GPC5: variants seen among roughly 807,000 people sequenced by gnomAD.
The protein encoded by GPC5 is glypican 5, also known as glypican-5.
A neutral mutation model predicts 53.9 loss-of-function variants in GPC5; 47 were observed. The observed-to-expected ratio is 0.87, with a 90% CI of 0.69 to 1.11. The LOEUF is 1.11. Ranked by LOEUF, GPC5 falls within the 50% of genes most tolerant of loss-of-function variation. The pLI, the probability that GPC5 is intolerant of heterozygous loss-of-function variation, is 0.00. For synonymous variants in GPC5, 286 were observed against 263.3 expected (o/e 1.09, Z -0.84); for missense variants, 748 against 713.1 (o/e 1.05, Z -0.56).
At chr13:91,810,731 A>AT (rs2038297720) in intron 5 of GPC5, among the ~76,000 whole-genome samples, 2 of 151,986 alleles carry the variant, frequency 1.3e-5, no homozygotes, top group South Asian at 4.1e-4. Context: ...GGTTATACAT[A>AT]TTTTAAATCA....
At position 91,743,720 on chromosome 13, in the gene GPC5, C is replaced by G. The variant is rs374888527; in HGVS notation, c.1155-12575C>G. Reference sequence around the variant, plus strand: ...TACACATGTGATAGAGAGACACTTCCTTTCCCTTTTTCATCTTCAGTCCAA... The same window carrying G: ...TACACATGTGATAGAGAGACACTTCGTTTCCCTTTTTCATCTTCAGTCCAA... On this transcript the variant is annotated intron_variant, in intron 4 of 7. Transcript: ENST00000377067. Among the ~76,000 whole-genome samples the G allele has an allele frequency of 2.0e-3, 306 of 152,254 alleles. 2 individuals carry two copies. The Middle Eastern group carries it at 0.031, about 15-fold the overall frequency.
intron 5 of GPC5, among the ~76,000 whole-genome samples, chr13:91,882,693 A>T (rs114496337): frequency 0.15 from 2,529 of 16,466 alleles, 111 homozygotes; most frequent in African/African-American, 0.32. Context: ...TTTTTTTCGT[A>T]ATTTCAGTCT....
chr13:91,989,119 A>G (rs1420510016), intron 6 of GPC5, among the ~76,000 whole-genome samples: 4 of 152,154 alleles, frequency 2.6e-5, no homozygotes, highest in Non-Finnish European at 5.9e-5. Flanking sequence ...GGAACCTGTT[A>G]GATTGGAGCC....
At chr13:92,763,293 T>C (rs1189444375) in intron 7 of GPC5, among the ~76,000 whole-genome samples, 2 of 152,192 alleles carry the variant, frequency 1.3e-5, no homozygotes, top group Admixed American at 6.5e-5. Context: ...TGGATCTTAA[T>C]GTACCAGTTG....
At chr13:92,732,770 T>C (rs979470725) in intron 7 of GPC5, among the ~76,000 whole-genome samples, 2 of 151,724 alleles carry the variant, frequency 1.3e-5, no homozygotes, top group Non-Finnish European at 1.5e-5. Context: ...GATTTGATTT[T>C]CCCACCTGAA....
At chr13:91,447,759 T>C (rs1225683666) in intron 1 of GPC5, among the ~76,000 whole-genome samples, 1 of 152,148 alleles carries the variant, frequency 6.6e-6, no homozygotes, top group Non-Finnish European at 1.5e-5. Context: ...GTGGAACCTG[T>C]GAAACTCACA....
At chr13:91,404,093 C>G (rs879692249) in intron 1 of GPC5, among the ~76,000 whole-genome samples, 1 of 152,182 alleles carries the variant, frequency 6.6e-6, no homozygotes, top group African/African-American at 2.4e-5. Flanking sequence ...TTCCTTGTTT[C>G]CAGCCTGTTA....
chr13:91,946,473 C>CA lies in GPC5; in HGVS notation c.1401+38424dup, dbSNP rs374103154. 9.5e-3 allele frequency among the ~76,000 whole-genome samples: 1,443 copies of CA among 151,610 alleles called. 12 individuals are homozygous for CA. Among genetic ancestry groups the CA allele is most frequent in the Non-Finnish European group, 0.015 (1,046 of 67,882 alleles). The stretch of plus-strand genomic sequence containing the variant: ...CATAATTATATATAAAACGCAATTT[C>CA]AAAAAAAACGATAAGAATAATCTAG... On this transcript the variant is annotated intron_variant, in intron 6 of 7. Coordinates refer to ENST00000377067, the MANE Select transcript of GPC5 (RefSeq NM_004466.6).
At chr13:92,442,520 CATTATTTTT>C in intron 7 of GPC5, among the ~76,000 whole-genome samples, 1 of 109,016 alleles carries the variant, frequency 9.2e-6, no homozygotes, top group East Asian at 6.8e-4. Flanking sequence ...TATTTTTAGA[CATTATTTTT>C]AAATGTATAT....
intron 2 of GPC5, among the ~76,000 whole-genome samples, chr13:91,665,569 C>G (rs1308690416): frequency 6.6e-6 from 1 of 150,764 alleles, no homozygotes; most frequent in Non-Finnish European, 1.5e-5. Context: ...GTGGCGCCAT[C>G]TCGGCTCACT....
chr13:91,788,582 T>C (rs1566684715), intron 5 of GPC5, among the ~76,000 whole-genome samples: 1 of 152,226 alleles, frequency 6.6e-6, no homozygotes, highest in East Asian at 1.9e-4. Flanking sequence ...TATCCTAACT[T>C]TATTTTACAT....
At chr13:91,648,930 C>T (rs1444285447) in intron 2 of GPC5, among the ~76,000 whole-genome samples, 2 of 152,136 alleles carry the variant, frequency 1.3e-5, no homozygotes, top group Non-Finnish European at 2.9e-5. Flanking sequence ...ACCCAAATCT[C>T]ATCTTGAATT....
chr13:91,699,827 G>A (rs948538733), intron 3 of GPC5, among the ~76,000 whole-genome samples: 1 of 152,146 alleles, frequency 6.6e-6, no homozygotes, highest in African/African-American at 2.4e-5. Flanking sequence ...TTCACCCACC[G>A]ACTTCTGGTC....
At chr13:92,422,488 TCACACACACACACA>T (rs6145177) in intron 7 of GPC5, among the ~76,000 whole-genome samples, 2,286 of 133,372 alleles carry the variant, frequency 0.017, 36 homozygotes, top group African/African-American at 0.046. Flanking sequence ...CATCACCATC[TCACACACACACACA>T]CACACACACA....
At chr13:92,263,251 A>G (rs1160286062) in intron 7 of GPC5, among the ~76,000 whole-genome samples, 1 of 152,192 alleles carries the variant, frequency 6.6e-6, no homozygotes, top group South Asian at 2.1e-4. Context: ...ATGTGAATAA[A>G]AGTTGTCACT....
At chr13:91,475,853 A>G (rs1012461627) in intron 2 of GPC5, among the ~76,000 whole-genome samples, 1 of 152,216 alleles carries the variant, frequency 6.6e-6, no homozygotes, top group Non-Finnish European at 1.5e-5. Context: ...GGAGAGGGGC[A>G]GTGCATATTT....
chr13:91,676,215 TGCCCGC>T (rs549877207), intron 2 of GPC5, among the ~76,000 whole-genome samples: 1 of 152,066 alleles, frequency 6.6e-6, no homozygotes, highest in African/African-American at 2.4e-5. Flanking sequence ...GGATTACAGG[TGCCCGC>T]CACCACGCCT....
At chr13:91,860,132 C>G (rs2039010231) in intron 5 of GPC5, among the ~76,000 whole-genome samples, 1 of 152,102 alleles carries the variant, frequency 6.6e-6, no homozygotes, top group Admixed American at 6.6e-5. Flanking sequence ...TAACCATTGT[C>G]ATACCATAGT....
intron 7 of GPC5, among the ~76,000 whole-genome samples, chr13:92,445,142 A>G (rs1311950317): frequency 6.7e-6 from 1 of 149,700 alleles, no homozygotes; most frequent in African/African-American, 2.5e-5. Flanking sequence ...TCTTTCATTT[A>G]TTCCTTCCTC....
Sources: allele counts gnomAD v4.1 joint callset (sites outside exome capture counted in the v4.1 genomes callset), GRCh38; gene constraint gnomAD v4.1.1; transcripts MANE v1.5; gene names NCBI Gene and HGNC (gene_info 2026-07-23, HGNC 2026-07-21).